The following RGS3 variants were observed in gnomAD, a reference collection of about 807,000 sequenced individuals.
The protein encoded by RGS3 is regulator of G protein signaling 3, also known as regulator of G-protein signalling 3.
RGS3 carries 80 observed loss-of-function variants against 132.6 expected under a neutral mutation model. The ratio of observed to expected loss-of-function variants is 0.60; its 90% CI spans 0.50 to 0.73. RGS3 has a LOEUF of 0.73. Ranked by LOEUF, RGS3 falls within the 30% of genes least tolerant of loss-of-function variation. The pLI is 0.00. For missense variants in RGS3, 1,382 were observed against 1,530.8 expected, an observed-to-expected ratio of 0.90 and a Z score of 1.62; for synonymous variants, 598 against 620.6, an observed-to-expected ratio of 0.96 and a Z score of 0.54.
intron 3 of RGS3, 24 bp from the exon 2 acceptor site, chr9:113,479,467 T>C: frequency 6.2e-7 from 1 of 1,613,740 alleles, no homozygotes; most frequent in Non-Finnish European, 8.5e-7. Context: ...TGAGGCAAGG[T>C]TGTTTCTGTT....
rs528602463 is a variant in RGS3 at position 113,566,109 on chromosome 9, CA to C, written c.2038-17340del. On this transcript the variant is annotated intron_variant, in intron 19 of 24. Transcript: ENST00000350696. ...CAGCCAGCAGGGTTGGCTATTGTAT[CA>C]GGGGTGCTGGCCGCACACCAGGCAC... Among the ~76,000 whole-genome samples, 166 of 152,278 alleles carry C rather than the reference CA, an allele frequency of 1.1e-3. 1 individual carries two copies. The highest frequency in any genetic ancestry group is 2.5e-3 in the African/African-American group (104 of 41,548).
chr9:113,568,111 C>T (rs1395257592), intron 19 of RGS3, among the ~76,000 whole-genome samples: 1 of 152,222 alleles, frequency 6.6e-6, no homozygotes, highest in Non-Finnish European at 1.5e-5. Flanking sequence ...AGAACTGAGG[C>T]AGGAGAGGAA....
rs1482622115 is a variant in RGS3, at chr9:113,506,895, T to C, written c.1086-392T>C. Reference sequence around the variant, plus strand: ...ATTGGAGTCTCCCAAATTTTGATCCTCTAGGGTAAAACCCCGATGGCCCCA... The same window carrying C: ...ATTGGAGTCTCCCAAATTTTGATCCCCTAGGGTAAAACCCCGATGGCCCCA... On this transcript the variant is annotated intron_variant, in intron 12 of 24. Coordinates refer to ENST00000350696, the Ensembl canonical transcript of RGS3. The surrounding 1 kb of genome is among the most constrained non-coding windows in gnomAD (Gnocchi z 4.7). Among the ~76,000 whole-genome samples, 2 of 152,242 alleles carry C rather than the reference T, an allele frequency of 1.3e-5. No homozygotes were observed. Among genetic ancestry groups the C allele is most frequent in the Non-Finnish European group, 2.9e-5 (2 of 68,044 alleles).
chr9:113,559,076 T>C (rs1833685934), intron 19 of RGS3, among the ~76,000 whole-genome samples: 1 of 152,236 alleles, frequency 6.6e-6, no homozygotes, highest in African/African-American at 2.4e-5. Context: ...TTTGTTTTGA[T>C]GGCTTGGGCT....
chr9:113,484,106 C>T (rs375025780), intron 5 of RGS3, 32 bp from the exon 4 acceptor site: 403 of 1,360,540 alleles, frequency 3.0e-4, no homozygotes, highest in East Asian at 6.0e-4. Flanking sequence ...CCATGAGATC[C>T]GCTAATCATG....
At chr9:113,501,713 T>A (rs1830906173) in intron 10 of RGS3, 4 of 1,362,108 alleles carry the variant, frequency 2.9e-6, no homozygotes, top group Non-Finnish European at 4.1e-6. Flanking sequence ...ATCTCGCTCC[T>A]CACAAGGTCT....
At position 113,488,810 on chromosome 9, in the gene RGS3, G is replaced by A. The variant is rs555432156; in HGVS notation, c.689+3117G>A. Among the ~76,000 whole-genome samples, 19 of 152,340 alleles carry A rather than the reference G, an allele frequency of 1.2e-4. No homozygotes were observed. In the South Asian group the frequency reaches 1.5e-3, roughly 12 times the overall value. The stretch of plus-strand genomic sequence containing the variant: ...TGAAGCTGTGAGCAGCACGCAGGCC[G>A]GCCTGGCCTCCTTGCGCTCTCCTTT... On this transcript the variant is annotated intron_variant, in intron 7 of 24. Transcript: ENST00000350696.
At chr9:113,583,188 A>T in intron 19 of RGS3, 1 of 571,170 alleles carries the variant, frequency 1.8e-6, no homozygotes, top group Non-Finnish European at 3.0e-6. Flanking sequence ...GGAGCTAGAT[A>T]GATAGTGGTT....
chr9:113,483,951 T>C (rs1413113221), intron 5 of RGS3, among the ~76,000 whole-genome samples, 187 bp from the exon 4 acceptor site: 2 of 152,114 alleles, frequency 1.3e-5, no homozygotes, highest in Non-Finnish European at 2.9e-5. Context: ...GGCATCTGCC[T>C]CCAATGTCTC....
At chr9:113,453,422 CATT>C (rs1421669376) in intron 1 of RGS3, among the ~76,000 whole-genome samples, 5 of 15,278 alleles carry the variant, frequency 3.3e-4, no homozygotes, top group African/African-American at 5.9e-4. Flanking sequence ...ATAATATACT[CATT>C]ATATGATTAT....
chr9:113,575,424 C>G (rs1015310960), intron 19 of RGS3, among the ~76,000 whole-genome samples: 1 of 152,116 alleles, frequency 6.6e-6, no homozygotes, highest in Non-Finnish European at 1.5e-5. Context: ...AGTCTGTGGT[C>G]GAATTCTTCC....
intron 10 of RGS3, 80 bp downstream of exon 8, chr9:113,498,160 A>G: frequency 7.8e-7 from 1 of 1,284,616 alleles, no homozygotes; most frequent in Non-Finnish European, 1.1e-6. Context: ...AAACCCCTAA[A>G]GGGGCAGCAT....
At chr9:113,475,847 A>T (rs759495339) in intron 3 of RGS3, among the ~76,000 whole-genome samples, 1 of 152,152 alleles carries the variant, frequency 6.6e-6, no homozygotes, top group Non-Finnish European at 1.5e-5. Flanking sequence ...GACTCCAGGG[A>T]TTCAGCCCTA....
At chr9:113,486,858 C>T (rs1830347427) in intron 7 of RGS3, among the ~76,000 whole-genome samples, 1 of 152,118 alleles carries the variant, frequency 6.6e-6, no homozygotes, top group South Asian at 2.1e-4. Flanking sequence ...CACTTTTCAT[C>T]CTAGGGTAGT....
intron 23 of RGS3, 77 bp downstream of exon 21, chr9:113,595,057 T>C: frequency 7.0e-7 from 1 of 1,430,572 alleles, no homozygotes; most frequent in African/African-American, 1.4e-5. Context: ...CCTGTGTAGC[T>C]GGTGCTAGAG....
intron 19 of RGS3, among the ~76,000 whole-genome samples, chr9:113,566,614 G>A (rs1834022833): frequency 6.6e-6 from 1 of 152,174 alleles, no homozygotes; most frequent in Non-Finnish European, 1.5e-5. Context: ...CAGGACATGT[G>A]GGAAACCATT....
intron 21 of RGS3, chr9:113,594,204 G>C (rs758832441): frequency 1.9e-5 from 31 of 1,612,834 alleles, no homozygotes; most frequent in Middle Eastern, 3.3e-4. Context: ...CAGGACGCGG[G>C]GTGGGGGACA....
intron 19 of RGS3, among the ~76,000 whole-genome samples, chr9:113,563,419 C>T (rs758341114): frequency 9.9e-5 from 15 of 152,268 alleles, no homozygotes; most frequent in Admixed American, 3.3e-4. Flanking sequence ...CTCGAGGGCA[C>T]CTCTGACGTG....
chr9:113,528,133 G>A (rs1832299058), intron 17 of RGS3, among the ~76,000 whole-genome samples: 1 of 152,196 alleles, frequency 6.6e-6, no homozygotes, highest in Non-Finnish European at 1.5e-5. Flanking sequence ...AAGGAACAGT[G>A]GTTGGCATGG....
Sources: gnomAD v4.1 joint callset for allele counts (sites outside exome capture counted in the v4.1 genomes callset) on GRCh38, gnomAD v4.1.1 for gene constraint, Gnocchi (gnomAD v3.1) non-coding constraint, MANE v1.5 for transcripts, NCBI Gene and HGNC (gene_info 2026-07-23, HGNC 2026-07-21) for gene names.